PALLD: variants seen among roughly 807,000 people sequenced by gnomAD.
PALLD encodes the protein palladin.
In PALLD, 61 loss-of-function variants were observed where a neutral mutation model predicts 123.5. The ratio of observed to expected loss-of-function variants is 0.49; its 90% confidence interval spans 0.40 to 0.61. PALLD has a LOEUF of 0.61. PALLD is among the 20% of genes least tolerant of loss of function. PALLD has a pLI of 0.00. For synonymous variants in PALLD, 465 were observed against 496.4 expected (o/e 0.94, Z 0.84); for missense variants, 1,273 against 1,377.0 (o/e 0.92, Z 1.20).
intron 2 of PALLD, among the ~76,000 whole-genome samples, chr4:168,662,940 A>G (rs1779262787): frequency 6.6e-6 from 1 of 152,218 alleles, no homozygotes; most frequent in Non-Finnish European, 1.5e-5. Context: ...TCCTTTTCTC[A>G]TATATGCACT....
At chr4:168,574,108 G>T (rs1490482846) in intron 2 of PALLD, among the ~76,000 whole-genome samples, 1 of 151,958 alleles carries the variant, frequency 6.6e-6, no homozygotes, top group African/African-American at 2.4e-5. Flanking sequence ...AATAAAAAGG[G>T]CATGTTGAGA....
chr4:168,746,380 C>CAAAAAAAAA (rs747755592), intron 10 of PALLD, among the ~76,000 whole-genome samples: 685 of 37,010 alleles, frequency 0.019, 138 homozygotes, highest in East Asian at 0.028. Context: ...GAACCCGTCT[C>CAAAAAAAAA]AAAAAAAAAA....
chr4:168,634,484 C>G (rs1411671129), intron 2 of PALLD, among the ~76,000 whole-genome samples: 1 of 152,236 alleles, frequency 6.6e-6, no homozygotes, highest in Non-Finnish European at 1.5e-5. Flanking sequence ...GCATGTTGTG[C>G]TATTCTGCAG....
chr4:168,727,813 G>A (rs1284048021), intron 10 of PALLD, among the ~76,000 whole-genome samples: 7 of 152,086 alleles, frequency 4.6e-5, no homozygotes, highest in African/African-American at 1.7e-4. Context: ...TATTTCCTAG[G>A]TTTTCTTCTA....
At chr4:168,735,347 C>T (rs1211737865) in intron 10 of PALLD, among the ~76,000 whole-genome samples, 1 of 152,174 alleles carries the variant, frequency 6.6e-6, no homozygotes, top group East Asian at 1.9e-4. Context: ...TTCCACTCAG[C>T]CTGCCAAGGA....
chr4:168,552,249 C>T (rs1223745561), intron 2 of PALLD, among the ~76,000 whole-genome samples: 1 of 152,092 alleles, frequency 6.6e-6, no homozygotes, highest in East Asian at 1.9e-4. Context: ...GAATCACACT[C>T]ATGAAGGGAC....
intron 5 of PALLD, among the ~76,000 whole-genome samples, chr4:168,684,401 C>T (rs370659722): frequency 6.6e-6 from 1 of 152,198 alleles, no homozygotes; most frequent in East Asian, 1.9e-4. Context: ...AATGTGACAT[C>T]AAGTAATGCT....
At chr4:168,734,287 T>A (rs1403015964) in intron 10 of PALLD, among the ~76,000 whole-genome samples, 2 of 151,960 alleles carry the variant, frequency 1.3e-5, no homozygotes, top group East Asian at 1.9e-4. Flanking sequence ...TTTTTTTTTT[T>A]AAGTGTAAAA....
intron 2 of PALLD, among the ~76,000 whole-genome samples, chr4:168,637,943 CAAAAA>C (rs11416996): frequency 1.7e-5 from 1 of 60,446 alleles, no homozygotes; most frequent in African/African-American, 7.3e-5. Context: ...GAATACATCT[CAAAAA>C]AAAAAAAAAA....
intron 2 of PALLD, among the ~76,000 whole-genome samples, chr4:168,591,687 A>T (rs1186899428): frequency 6.6e-6 from 1 of 152,176 alleles, no homozygotes; most frequent in Non-Finnish European, 1.5e-5. Flanking sequence ...GTATCTTTTT[A>T]AACTGTACTT....
At chr4:168,697,003 C>T (rs1210654680) in intron 8 of PALLD, among the ~76,000 whole-genome samples, 2 of 152,148 alleles carry the variant, frequency 1.3e-5, no homozygotes, top group African/African-American at 2.4e-5. Flanking sequence ...GACCCAGGCA[C>T]GTCATCATGA....
intron 14 of PALLD, among the ~76,000 whole-genome samples, chr4:168,902,621 C>T (rs1030836515): frequency 3.3e-5 from 5 of 152,076 alleles, no homozygotes; most frequent in Non-Finnish European, 7.4e-5. Flanking sequence ...TGCACTCCAG[C>T]CTGGGCAACG....
chr4:168,918,931 A>T (rs1482813227), intron 17 of PALLD, among the ~76,000 whole-genome samples: 1 of 152,164 alleles, frequency 6.6e-6, no homozygotes, highest in Non-Finnish European at 1.5e-5. Context: ...TGGAATTGTG[A>T]TTATGGAAAA....
intron 3 of PALLD, among the ~76,000 whole-genome samples, chr4:168,676,571 T>G (rs1266572107): frequency 6.7e-6 from 1 of 149,278 alleles, no homozygotes; most frequent in African/African-American, 2.4e-5. Flanking sequence ...GTATTAATTA[T>G]ATATATTTAA....
chr4:168,606,798 C>T (rs1312163744), intron 2 of PALLD, among the ~76,000 whole-genome samples: 1 of 152,142 alleles, frequency 6.6e-6, no homozygotes, highest in African/African-American at 2.4e-5. Flanking sequence ...ATCCCTACTG[C>T]CATCATCTTC....
At chr4:168,512,500 T>C (rs1762613002) in intron 2 of PALLD, 88 bp downstream of exon 2, 1 of 1,243,718 alleles carries the variant, frequency 8.0e-7, no homozygotes, top group Non-Finnish European at 1.2e-6. Context: ...TCCTGTGTCA[T>C]TAGCCCTCTG....
rs1561393954 is a variant in PALLD at position 168,683,069 on chromosome 4, C to T, written c.1226C>T (p.Ala409Val). The change falls in exon 5 of 22, where the codon GCT (alanine) becomes GTT (valine). Residue 409 changes from alanine (A) to valine (V), a missense_variant. This residue lies in a region of PALLD where 944 missense variants were observed against 954.5 expected (regional missense o/e 0.99). Coordinates refer to ENST00000505667, the MANE Select transcript of PALLD (RefSeq NM_001166108.2). ...TCTCCAAAGACAGGGGTGACCACAG[C>T]TGTGATTCAACCACTGTCTGTCCCT... is the stretch of plus-strand genomic sequence containing the variant. Reference protein sequence around the residue: ...SSSPKTGVTTAVIQPLSVPVQ... With the variant: ...SSSPKTGVTTVVIQPLSVPVQ... 10 of 1,611,738 alleles carry T rather than the reference C, an allele frequency of 6.2e-6. No individual in the cohort carries two copies. In the South Asian group the frequency reaches 9.9e-5, roughly 16 times the overall value.
chr4:168,837,723 G>A (rs1304201080), intron 10 of PALLD, among the ~76,000 whole-genome samples: 1 of 152,226 alleles, frequency 6.6e-6, no homozygotes, highest in Non-Finnish European at 1.5e-5. Context: ...AGATCACACA[G>A]ATCAGAAATG....
intron 10 of PALLD, among the ~76,000 whole-genome samples, chr4:168,722,124 A>C (rs186790474): frequency 8.9e-4 from 135 of 152,248 alleles, no homozygotes; most frequent in African/African-American, 3.0e-3. Context: ...GCTCATTGCA[A>C]CCTTGACCTC....
Sources: gnomAD v4.1 joint callset for allele counts (sites outside exome capture counted in the v4.1 genomes callset) on GRCh38, gnomAD v4.1.1 for gene constraint, gnomAD v4.1.1 regional missense constraint, MANE v1.5 for transcripts, NCBI Gene and HGNC (gene_info 2026-07-23, HGNC 2026-07-21) for gene names.